NLRP1: variants seen among roughly 807,000 people sequenced by gnomAD.
The protein encoded by NLRP1 is NACHT, LRR and PYD domains-containing protein 1.
A neutral mutation model predicts 136.7 loss-of-function variants in NLRP1; 94 were observed. The ratio of observed to expected loss-of-function variants is 0.69; its 90% confidence interval spans 0.58 to 0.82. The LOEUF (loss-of-function observed/expected upper bound fraction) is 0.82. NLRP1 is among the 40% of genes least tolerant of loss of function. The probability of loss-of-function intolerance (pLI) is 0.00; values close to 1 mark genes in which losing one functional copy is unlikely to be tolerated. For missense variants in NLRP1, 1,575 were observed against 1,802.7 expected (o/e 0.87, Z 2.29); for synonymous variants, 690 against 725.1 (o/e 0.95, Z 0.78).
chr17:5,565,145 G>A (rs569914921), intron 3 of NLRP1, among the ~76,000 whole-genome samples: 8 of 152,182 alleles, frequency 5.3e-5, no homozygotes, highest in Non-Finnish European at 1.2e-4. Flanking sequence ...ACCCTCACAA[G>A]AATTTGTTCT....
chr17:5,521,985 C>T (rs1239693126), intron 12 of NLRP1, among the ~76,000 whole-genome samples, 199 bp from the exon 13 acceptor site: 1 of 152,172 alleles, frequency 6.6e-6, no homozygotes, highest in Admixed American at 6.5e-5. Flanking sequence ...CCACCATGCC[C>T]AGCTAATTTT....
Position 5,528,137 on chromosome 17 carries a change from C to A in NLRP1, c.3520+2344G>T, listed in dbSNP as rs1432181518. 5.9e-5 allele frequency among the ~76,000 whole-genome samples: 9 copies of A among 152,320 alleles called. No individual in the cohort carries two copies. The South Asian group carries it at 1.2e-3, about 21-fold the overall frequency. On this transcript the variant is annotated intron_variant, in intron 12 of 16. Transcript: ENST00000572272. ...AAGTTCTTTTGCTGCTGGTCATGGG[C>A]AGAGCTACGACAGAGCTGAGCCCAC...
At chr17:5,560,142 C>G in intron 3 of NLRP1, 99 bp from the exon 4 acceptor site, 1 of 1,087,092 alleles carries the variant, frequency 9.2e-7, no homozygotes, top group East Asian at 2.6e-5. Flanking sequence ...AAGCCACACA[C>G]TGCGCTGTCT....
At position 5,521,058 on chromosome 17, in the gene NLRP1, G is replaced by C. The variant is rs780376429; in HGVS notation, c.3784-46C>G. Reference sequence around the variant, plus strand: ...TGATTAAGGGAGGCTTCTGCCCCGTGGAATGTGGTTTGAATAGGGGGGATG... The same window carrying C: ...TGATTAAGGGAGGCTTCTGCCCCGTCGAATGTGGTTTGAATAGGGGGGATG... On this transcript the variant is annotated intron_variant, in intron 13 of 16. Transcript: ENST00000572272. 7 of 1,539,074 alleles carry C rather than the reference G, an allele frequency of 4.5e-6. No individual in the cohort carries two copies. In the Middle Eastern group the frequency reaches 5.2e-4, roughly 115 times the overall value.
At chr17:5,534,626 C>A (rs976120415) in intron 8 of NLRP1, among the ~76,000 whole-genome samples, 1 of 152,168 alleles carries the variant, frequency 6.6e-6, no homozygotes, top group Non-Finnish European at 1.5e-5. Context: ...CTCTGTGGCC[C>A]GCACCACTGC....
rs1905694724 is a variant in NLRP1, at chr17:5,581,881, T to C, written c.630A>G (p.Glu210=). 6 of 1,612,616 alleles carry C rather than the reference T, an allele frequency of 3.7e-6. No individual in the cohort carries two copies. The South Asian group carries it at 6.6e-5, about 18-fold the overall frequency. The part of the protein sequence containing the change: ...EAPGTQWPLD[E]TSGIYYTEIR... ...CACCTGTGTAGTAAATTCCTGACGT[T>C]TCATCCAGAGGCCATTGGGTCCCAG... Residue 210 remains glutamate (E), a synonymous_variant, in exon 3 of 17, where the codon GAA becomes GAG. Coordinates refer to ENST00000572272, the MANE Select transcript of NLRP1 (RefSeq NM_033004.4).
downstream of NLRP1, among the ~76,000 whole-genome samples, chr17:5,511,819 CCT>C (rs58990079): frequency 0.21 from 31,100 of 149,328 alleles, 4,088 homozygotes; most frequent in East Asian, 0.7. Flanking sequence ...TTCCTTCCTT[CCT>C]CTTTTTCTTC....
chr17:5,542,943 C>T lies in NLRP1; in HGVS notation c.2529-916G>A, dbSNP rs377165752. Among the ~76,000 whole-genome samples the T allele has an allele frequency of 2.0e-5, 3 of 152,298 alleles. No homozygotes were observed. The East Asian group carries it at 5.8e-4, about 29-fold the overall frequency. On this transcript the variant is annotated intron_variant, in intron 5 of 16. Transcript: ENST00000572272. ...GCCCTGGGTTCAAGTGATTCTCCTG[C>T]CTCAGCCTCCTGAGTAGCTGGGATT...
chr17:5,527,264 C>T (rs1191514507), intron 12 of NLRP1, among the ~76,000 whole-genome samples: 3 of 152,214 alleles, frequency 2.0e-5, no homozygotes, highest in African/African-American at 4.8e-5. Flanking sequence ...TTAAAAAATT[C>T]GCAAGAAAGT....
chr17:5,582,144 G>T, intron 2 of NLRP1, 82 bp from the exon 3 acceptor site: 1 of 1,096,890 alleles, frequency 9.1e-7, no homozygotes, highest in Non-Finnish European at 1.3e-6. Context: ...TCTCACAACA[G>T]TCCTGAGAGA....
chr17:5,534,995 G>T (rs1178766676), intron 8 of NLRP1, among the ~76,000 whole-genome samples: 2 of 152,178 alleles, frequency 1.3e-5, no homozygotes, highest in Admixed American at 6.5e-5. Flanking sequence ...GCTGAGGCGG[G>T]CAGATCACAA....
rs765811215 is a variant in NLRP1 at position 5,559,617 on chromosome 17, C to T, written c.1079G>A (p.Arg360His). The T allele has an allele frequency of 1.6e-5, 26 of 1,614,076 alleles. No homozygotes were observed. Among genetic ancestry groups the T allele is most frequent in the Middle Eastern group, 1.6e-4 (1 of 6,084 alleles). ...AWGRGQLYGDRFQHVFYFSCR... is the reference protein window; with the variant it reads ...AWGRGQLYGDHFQHVFYFSCR... ...GCTGAAGTAGAAGACATGCTGGAAG[C>T]GGTCCCCATACAGCTGGCCTCTCCC... is the stretch of plus-strand genomic sequence containing the variant. Residue 360 changes from arginine to histidine, a missense_variant, in exon 4 of 17, where the codon CGC becomes CAC. Arg to His is a conservative substitution (Grantham distance 29). Coordinates refer to ENST00000572272, the MANE Select transcript of NLRP1 (RefSeq NM_033004.4).
chr17:5,511,558 C>T (rs78245829), downstream of NLRP1, among the ~76,000 whole-genome samples: 4 of 152,218 alleles, frequency 2.6e-5, no homozygotes, highest in East Asian at 5.8e-4. Flanking sequence ...CTTCGGGGCT[C>T]GCTGCCATGG....
chr17:5,507,311 TA>T (rs1907394634), intron 15 of NLRP1, among the ~76,000 whole-genome samples: 1 of 152,176 alleles, frequency 6.6e-6, no homozygotes, highest in Admixed American at 6.5e-5. Context: ...TGTCTTCAAA[TA>T]AATTAAATTA....
chr17:5,504,137 T>TAGC lies in NLRP1; in HGVS notation c.4070-2268_4070-2266dup, dbSNP rs146109783. ...GGAATCCTAGGACACACATGGATGATAGCAGCAGCAGCAGCAGCAGCCAAT... is the reference window on the plus strand; with the variant it reads ...GGAATCCTAGGACACACATGGATGATAGCAGCAGCAGCAGCAGCAGCAGCCAAT... On this transcript the variant is annotated intron_variant, in intron 15 of 15. Coordinates refer to the NLRP1 transcript ENST00000262467. This position sits in a 1 kb window ranked among gnomAD's most constrained non-coding sequence, Gnocchi z 4.4. The TAGC allele has an allele frequency of 3.3e-4, 52 of 156,474 alleles. No homozygotes were observed. Among genetic ancestry groups the TAGC allele is most frequent in the East Asian group, 1.5e-3 (8 of 5,398 alleles). The allele number at this position is 156,474 out of a possible 1,614,324, so 9.7% of individuals were successfully genotyped here.
chr17:5,516,675 G>A (rs913653626), intron 15 of NLRP1, among the ~76,000 whole-genome samples: 5 of 152,268 alleles, frequency 3.3e-5, no homozygotes, highest in Admixed American at 2.0e-4. Context: ...TTTTACAGAC[G>A]AGGGACTCAA....
chr17:5,530,343 T>G, intron 12 of NLRP1, 138 bp downstream of exon 12: 1 of 676,932 alleles, frequency 1.5e-6, no homozygotes, highest in Non-Finnish European at 2.6e-6. Flanking sequence ...CAGGAAAATC[T>G]TAGTCCCCAT....
rs200363173 is a variant in NLRP1 at position 5,582,829 on chromosome 17, G to A, written c.289C>T (p.Pro97Ser). 142 of 1,610,984 alleles carry A rather than the reference G, an allele frequency of 8.8e-5. No individual in the cohort carries two copies. In the East Asian group the frequency reaches 3.1e-3, roughly 36 times the overall value. ...QEGAGHSPSF[P>S]YSPSEPHLGS... ...AGGTGGGGTTCACTTGGGCTGTAGG[G>A]GAATGAGGGAGAGTGGCCTACAGGA... is the stretch of plus-strand genomic sequence containing the variant. Residue 97 changes from proline to serine, a missense_variant, in exon 2 of 17, where the codon CCC (proline) becomes TCC (serine). Coordinates refer to ENST00000572272, the MANE Select transcript of NLRP1 (RefSeq NM_033004.4).
intron 12 of NLRP1, among the ~76,000 whole-genome samples, chr17:5,525,080 G>T (rs1909363672): frequency 6.6e-6 from 1 of 152,226 alleles, no homozygotes; most frequent in South Asian, 2.1e-4. Context: ...GTTGACTGGA[G>T]GAAGTCTCAC....
Sources: gnomAD v4.1 joint callset for allele counts (sites outside exome capture counted in the v4.1 genomes callset) on GRCh38, gnomAD v4.1.1 for gene constraint, Gnocchi (gnomAD v3.1) non-coding constraint, MANE v1.5 for transcripts, NCBI Gene and HGNC (gene_info 2026-07-23, HGNC 2026-07-21) for gene names.